The following C19orf38 variants were observed in gnomAD, a reference collection of about 807,000 sequenced individuals.
The protein encoded by C19orf38 is chromosome 19 open reading frame 38.
C19orf38 carries 14 observed loss-of-function variants against 26.6 expected under a neutral mutation model. The ratio of observed to expected loss-of-function variants is 0.53; its 90% confidence interval spans 0.35 to 0.82. C19orf38 has a LOEUF of 0.82. C19orf38 is among the 40% of genes least tolerant of loss of function. The pLI, the probability that C19orf38 is intolerant of heterozygous loss-of-function variation, is 0.01. For synonymous variants in C19orf38, 132 were observed against 128.5 expected, an observed-to-expected ratio of 1.03 and a Z score of -0.18; for missense variants, 261 against 299.5, an observed-to-expected ratio of 0.87 and a Z score of 0.95.
intron 1 of C19orf38, among the ~76,000 whole-genome samples, chr19:10,837,502 C>CT (rs2073443327): frequency 1.4e-4 from 17 of 117,746 alleles, no homozygotes; most frequent in South Asian, 2.7e-4. Flanking sequence ...ATTTTTTTTT[C>CT]CTTTTTTTTT....
chr19:10,860,895 A>C (rs2073691722), intron 5 of C19orf38, among the ~76,000 whole-genome samples: 2 of 150,584 alleles, frequency 1.3e-5, no homozygotes, highest in Middle Eastern at 3.5e-3. Flanking sequence ...CTGTAATCCC[A>C]GCACTTTGGG....
chr19:10,863,321 G>A (rs529713309), intron 6 of C19orf38, 114 bp downstream of exon 6: 4 of 1,239,436 alleles, frequency 3.2e-6, no homozygotes, highest in Admixed American at 2.1e-5. Flanking sequence ...TAAGCTGCGG[G>A]GGGGCTAGGA....
intron 2 of C19orf38, among the ~76,000 whole-genome samples, chr19:10,852,201 G>A (rs1442776476): frequency 6.6e-6 from 1 of 151,828 alleles, no homozygotes; most frequent in Admixed American, 6.6e-5. Flanking sequence ...TTAACCTCAA[G>A]TGATCCTCCC....
chr19:10,864,302 CCACT>C (rs1253076780), intron 6 of C19orf38, among the ~76,000 whole-genome samples: 1 of 151,962 alleles, frequency 6.6e-6, no homozygotes, highest in Non-Finnish European at 1.5e-5. Context: ...CTCAGGTGAT[CCACT>C]GGGATTACAG....
chr19:10,863,146 G>A (rs1476534451), intron 5 of C19orf38, 24 bp from the exon 6 acceptor site: 6 of 1,550,134 alleles, frequency 3.9e-6, no homozygotes, highest in African/African-American at 1.4e-5. Context: ...CCAATCCTGG[G>A]TTTTCTTTCT....
At chr19:10,861,606 C>T (rs565259348) in intron 5 of C19orf38, among the ~76,000 whole-genome samples, 17 of 152,060 alleles carry the variant, frequency 1.1e-4, no homozygotes, top group Admixed American at 3.3e-4. Context: ...GAGATGGAGT[C>T]TCATTGTGTC....
chr19:10,842,019 A>T, intron 1 of C19orf38: 2 of 1,610,868 alleles, frequency 1.2e-6, no homozygotes, highest in Non-Finnish European at 1.7e-6. Flanking sequence ...TGGAGCCATG[A>T]ATATTGTCCG....
intron 5 of C19orf38, among the ~76,000 whole-genome samples, chr19:10,860,360 C>T (rs1350283845): frequency 1.3e-5 from 2 of 151,328 alleles, no homozygotes; most frequent in Non-Finnish European, 2.9e-5. Flanking sequence ...AGTGAAACCC[C>T]GTCTCTACTA....
chr19:10,850,676 C>G, intron 2 of C19orf38, 109 bp downstream of exon 2: 1 of 1,160,012 alleles, frequency 8.6e-7, no homozygotes, highest in Non-Finnish European at 1.2e-6. Flanking sequence ...AGGCTTACAC[C>G]CTGCCAGGAC....
intron 1 of C19orf38, among the ~76,000 whole-genome samples, chr19:10,837,628 C>T (rs2073445934): frequency 6.6e-6 from 1 of 150,734 alleles, no homozygotes; most frequent in African/African-American, 2.4e-5. Context: ...CTGCCTCAGC[C>T]TTCCGAGTAG....
Position 10,848,500 on chromosome 19 carries a change from CAG to C in C19orf38, c.-1_1del, listed in dbSNP as rs2073536572. 6.4e-7 allele frequency: 1 copy of C among 1,551,656 alleles called. No individual in the cohort carries two copies. The highest frequency in any genetic ancestry group is 8.7e-7 in the Non-Finnish European group (1 of 1,146,912). On this transcript the variant is annotated 5_prime_UTR_variant, in exon 1 of 7. Transcript: ENST00000397820. ...CTCAGCCGGATTTCCCAGCCAAACGCAGAGAGAGATGCCCTGGACCATCTTGC... is the reference window on the plus strand; with the variant it reads ...CTCAGCCGGATTTCCCAGCCAAACGCAGAGAGATGCCCTGGACCATCTTGC...
intron 5 of C19orf38, among the ~76,000 whole-genome samples, chr19:10,860,534 CAAAAAAAAA>C (rs900601654): frequency 4.6e-5 from 1 of 21,836 alleles, no homozygotes; most frequent in South Asian, 2.7e-3. Flanking sequence ...GACTCCATCT[CAAAAAAAAA>C]AAAAAAAAAA....
intron 2 of C19orf38, among the ~76,000 whole-genome samples, chr19:10,856,030 G>A (rs1267291612): frequency 6.6e-6 from 1 of 152,148 alleles, no homozygotes; most frequent in Non-Finnish European, 1.5e-5. Context: ...TACCACCAAA[G>A]TCCCAGAGTT....
At chr19:10,840,339 T>C (rs939814326) in intron 1 of C19orf38, among the ~76,000 whole-genome samples, 3 of 152,204 alleles carry the variant, frequency 2.0e-5, no homozygotes, top group Admixed American at 6.6e-5. Context: ...TTTGTTTTGT[T>C]TTTGAGACAG....
At chr19:10,841,175 A>G (rs750614670) in intron 1 of C19orf38, among the ~76,000 whole-genome samples, 4 of 152,072 alleles carry the variant, frequency 2.6e-5, no homozygotes, top group Non-Finnish European at 4.4e-5. Context: ...AGAAAAGTGA[A>G]ACAAAAAAAC....
At chr19:10,859,365 TATATATATATATATATATA>T (rs1568337591) in intron 4 of C19orf38, among the ~76,000 whole-genome samples, 4 of 53,956 alleles carry the variant, frequency 7.4e-5, no homozygotes, top group African/African-American at 3.5e-4. Context: ...TATATATATA[TATATATATATATATATATA>T]TTTTTTTTTT....
chr19:10,858,936 G>GTT (rs33931525), intron 4 of C19orf38, among the ~76,000 whole-genome samples: 29 of 135,820 alleles, frequency 2.1e-4, no homozygotes, highest in African/African-American at 4.5e-4. Context: ...ATATATATAT[G>GTT]TTTTTTTTTT....
chr19:10,865,685 A>G (rs945242406), intron 6 of C19orf38, among the ~76,000 whole-genome samples: 1 of 152,184 alleles, frequency 6.6e-6, no homozygotes, highest in Non-Finnish European at 1.5e-5. Flanking sequence ...AATATACAAT[A>G]AAGTTTTCTT....
At chr19:10,856,229 C>T in intron 2 of C19orf38, 36 bp from the exon 3 acceptor site, 1 of 1,509,266 alleles carries the variant, frequency 6.6e-7, no homozygotes, top group South Asian at 1.2e-5. Context: ...AGAGACGACA[C>T]TGACCTGCCC....
Sources: allele counts gnomAD v4.1 joint callset (sites outside exome capture counted in the v4.1 genomes callset), GRCh38; gene constraint gnomAD v4.1.1; transcripts MANE v1.5; gene names NCBI Gene and HGNC (gene_info 2026-07-23, HGNC 2026-07-21).